Variants in SAMD5 observed in about 807,000 individuals in gnomAD.
SAMD5 encodes the protein sterile alpha motif domain-containing protein 5.
Under a neutral mutation model 11.3 loss-of-function variants are expected in SAMD5, and 13 were observed. That is an observed-to-expected ratio of 1.15 (90% CI 0.75 to 1.83). The LOEUF (loss-of-function observed/expected upper bound fraction) is 1.83, where lower values mean the gene tolerates loss of function less well. Among genes scored for constraint, SAMD5 ranks in the 40% most tolerant of loss-of-function variants. The pLI is 0.00. For synonymous variants in SAMD5, 129 were observed against 111.3 expected, an observed-to-expected ratio of 1.16 and a Z score of -1.00; for missense variants, 255 against 239.1, an observed-to-expected ratio of 1.07 and a Z score of -0.44.
At chr6:147,863,249 G>A in the SAMD5 span, among the ~76,000 whole-genome samples, 2 of 152,134 alleles carry the variant, frequency 1.3e-5, no homozygotes, top group African/African-American at 4.8e-5. Flanking sequence ...TCACGTTGGG[G>A]ACTTAGAGGT....
Position 147,671,916 on chromosome 6 carries a change from T to G in SAMD5, c.163-65401T>G, listed in dbSNP as rs560092457. 2.2e-5 allele frequency among the ~76,000 whole-genome samples: 3 copies of G among 136,560 alleles called. No homozygotes were observed. In the East Asian group the frequency reaches 6.5e-4, roughly 30 times the overall value. The allele number at this position is 136,560 out of a possible 152,430, so 89.6% of individuals were successfully genotyped here. ...TTTTTTTTTTTTTTTTTTTTTTAGC[T>G]CATCTTGCACATTTACCCTTCCAGA... On this transcript the variant is annotated intron_variant, in intron 1 of 1. Transcript: ENST00000566741.
intron 1 of SAMD5, among the ~76,000 whole-genome samples, chr6:147,662,628 A>G (rs145041526): frequency 1.2e-4 from 18 of 152,352 alleles, no homozygotes; most frequent in African/African-American, 4.1e-4. Context: ...ACATCGGTGT[A>G]TCAGGTCCCC....
the SAMD5 span, among the ~76,000 whole-genome samples, chr6:147,831,544 T>C: frequency 1.3e-5 from 2 of 152,212 alleles, no homozygotes; most frequent in Admixed American, 6.5e-5. Context: ...GGATTCCATT[T>C]GAATTTAAAA....
At chr6:147,892,920 T>C in the SAMD5 span, among the ~76,000 whole-genome samples, 2 of 152,196 alleles carry the variant, frequency 1.3e-5, no homozygotes, top group African/African-American at 4.8e-5. Flanking sequence ...ATTTTAAAAG[T>C]ATTCAGTATG....
At chr6:147,546,138 G>A (rs1322872217) in intron 1 of SAMD5, among the ~76,000 whole-genome samples, 1 of 152,152 alleles carries the variant, frequency 6.6e-6, no homozygotes, top group Admixed American at 6.5e-5. Context: ...CTTCCATTCA[G>A]TGACTCAGGG....
the SAMD5 span, among the ~76,000 whole-genome samples, chr6:147,772,602 A>T: frequency 6.6e-6 from 1 of 152,100 alleles, no homozygotes; most frequent in South Asian, 2.1e-4. Flanking sequence ...TAAGGGAAAG[A>T]TCTGTTCCAG....
chr6:147,805,066 C>T, the SAMD5 span, among the ~76,000 whole-genome samples: 2 of 152,206 alleles, frequency 1.3e-5, no homozygotes, highest in African/African-American at 4.8e-5. Flanking sequence ...GAAGTTTAAT[C>T]ATACCCATGG....
the SAMD5 span, among the ~76,000 whole-genome samples, chr6:147,861,225 C>T: frequency 5.3e-5 from 8 of 151,770 alleles, 1 homozygote; most frequent in South Asian, 1.3e-3. Flanking sequence ...AGTGCAATGG[C>T]GCGATCTTGG....
At chr6:147,731,264 A>T (rs1049979420) in intron 1 of SAMD5, among the ~76,000 whole-genome samples, 2 of 152,154 alleles carry the variant, frequency 1.3e-5, no homozygotes, top group South Asian at 4.1e-4. Flanking sequence ...TGTTTTTATG[A>T]TGACAGTGTC....
intron 1 of SAMD5, among the ~76,000 whole-genome samples, chr6:147,694,015 C>T (rs1304012020): frequency 1.3e-5 from 2 of 152,084 alleles, no homozygotes; most frequent in African/African-American, 2.4e-5. Flanking sequence ...TCACGTGGAG[C>T]AGTTCTTTTT....
chr6:147,798,326 C>T, the SAMD5 span, among the ~76,000 whole-genome samples: 21 of 150,556 alleles, frequency 1.4e-4, no homozygotes, highest in African/African-American at 5.2e-4. Flanking sequence ...TCGTTATGTA[C>T]CCAGTAGTCA....
At position 147,604,855 on chromosome 6, in the gene SAMD5, T is replaced by G. The variant is rs183484195; in HGVS notation, c.162+95468T>G. 8.5e-5 allele frequency among the ~76,000 whole-genome samples: 13 copies of G among 152,332 alleles called. No individual in the cohort carries two copies. In the East Asian group the frequency reaches 2.5e-3, roughly 29 times the overall value. On this transcript the variant is annotated intron_variant, in intron 1 of 1. Transcript: ENST00000566741. ...TCCAGGGTATACCTTATTGGATTGC[T>G]GGAGCATGGAGAATAGCATAATGAC...
intron 1 of SAMD5, among the ~76,000 whole-genome samples, chr6:147,717,729 C>T (rs1163550229): frequency 6.6e-6 from 1 of 152,130 alleles, no homozygotes; most frequent in African/African-American, 2.4e-5. Context: ...GTAGTCCCAG[C>T]TACTTGGGAG....
chr6:147,890,469 C>G, the SAMD5 span, among the ~76,000 whole-genome samples: 1 of 151,764 alleles, frequency 6.6e-6, no homozygotes, highest in South Asian at 2.1e-4. Context: ...AGCAATTCTC[C>G]TGTCTCAGCT....
the SAMD5 span, among the ~76,000 whole-genome samples, chr6:147,883,184 G>A: frequency 1.7e-4 from 26 of 152,328 alleles, no homozygotes; most frequent in South Asian, 5.0e-3. Flanking sequence ...TAGTAGGCAC[G>A]CTTGTGTATC....
At chr6:147,835,838 G>A in the SAMD5 span, among the ~76,000 whole-genome samples, 1 of 152,128 alleles carries the variant, frequency 6.6e-6, no homozygotes, top group East Asian at 1.9e-4. Context: ...GCTCTCTCTA[G>A]ATAGGTCCTC....
At chr6:147,536,525 CAAG>C (rs999068142) in intron 1 of SAMD5, among the ~76,000 whole-genome samples, 1 of 151,474 alleles carries the variant, frequency 6.6e-6, no homozygotes, top group Non-Finnish European at 1.5e-5. Flanking sequence ...TATGAGAGTC[CAAG>C]AAGTTTTTTT....
chr6:147,780,111 G>A, the SAMD5 span, among the ~76,000 whole-genome samples: 4 of 152,086 alleles, frequency 2.6e-5, no homozygotes. Flanking sequence ...AGGCATCTCT[G>A]CATGTTTTGT....
the SAMD5 span, among the ~76,000 whole-genome samples, chr6:147,949,236 G>A: frequency 6.6e-6 from 1 of 152,120 alleles, no homozygotes; most frequent in Non-Finnish European, 1.5e-5. Flanking sequence ...GTTTGAAAAG[G>A]CCAGGGGCTA....
Sources: allele counts gnomAD v4.1 joint callset (sites outside exome capture counted in the v4.1 genomes callset), GRCh38; gene constraint gnomAD v4.1.1; transcripts MANE v1.5; gene names NCBI Gene and HGNC (gene_info 2026-07-23, HGNC 2026-07-21).